The following BICRA variants were observed in gnomAD, a reference collection of about 807,000 sequenced individuals.
BICRA encodes BRD4 interacting chromatin remodeling complex associated protein, also known as BRD4-interacting chromatin-remodeling complex-associated protein.
A neutral mutation model predicts 96.9 loss-of-function variants in BICRA; 31 were observed. The ratio of observed to expected loss-of-function variants is 0.32; its 90% CI spans 0.24 to 0.43. The LOEUF is 0.43. Ranked by LOEUF, BICRA falls within the 20% of genes least tolerant of loss-of-function variation. The probability of loss-of-function intolerance (pLI) is 1.00; values close to 1 mark genes in which losing one functional copy is unlikely to be tolerated. For synonymous variants in BICRA, 1,350 were observed against 1,071.8 expected (o/e 1.26, Z -5.07); for missense variants, 2,283 against 2,190.3 (o/e 1.04, Z -0.84).
At chr19:47,656,462 T>C (rs1242525033) in intron 1 of BICRA, among the ~76,000 whole-genome samples, 1 of 152,200 alleles carries the variant, frequency 6.6e-6, no homozygotes, top group Non-Finnish European at 1.5e-5. Flanking sequence ...GGCCAGAGGC[T>C]TTCAGGAACC....
At chr19:47,634,058 C>T (rs1972262779) in intron 1 of BICRA, among the ~76,000 whole-genome samples, 1 of 152,210 alleles carries the variant, frequency 6.6e-6, no homozygotes, top group Non-Finnish European at 1.5e-5. Flanking sequence ...TTCATACATC[C>T]CAGGCTGCAT....
upstream of BICRA, among the ~76,000 whole-genome samples, chr19:47,608,674 C>T (rs1971845034): frequency 6.6e-6 from 1 of 151,504 alleles, no homozygotes; most frequent in African/African-American, 2.4e-5. Context: ...GGGACTGGGG[C>T]TGGGGGCGGG....
Position 47,698,862 on chromosome 19 carries a change from G to T in BICRA, c.3397+80G>T. ...GGCGGGGCGTCGCCAGTGTGGAGCC[G>T]CAGGTCCACGGTGCGCTATGCTGAC... On this transcript the variant is annotated intron_variant, in intron 12 of 14. Transcript: ENST00000594866. The surrounding 1 kb of genome is among the most constrained non-coding windows in gnomAD (Gnocchi z 4.8). 1 of 1,391,234 alleles carries T rather than the reference G, an allele frequency of 7.2e-7. No homozygotes were observed. The highest frequency in any genetic ancestry group is 1.0e-6 in the Non-Finnish European group (1 of 1,002,148). 86.2% of individuals were successfully genotyped at this position (1,391,234 alleles called of 1,614,324 possible).
intron 1 of BICRA, among the ~76,000 whole-genome samples, chr19:47,619,127 C>T (rs970030383): frequency 1.3e-5 from 2 of 151,980 alleles, no homozygotes; most frequent in African/African-American, 4.8e-5. Context: ...CTCCCTAGAA[C>T]GTGCGCGGTG....
chr19:47,614,825 G>A (rs56688553), intron 1 of BICRA, among the ~76,000 whole-genome samples: 4 of 152,102 alleles, frequency 2.6e-5, no homozygotes, highest in African/African-American at 9.7e-5. Context: ...TGTTTCCAAA[G>A]GTTTCTGTGT....
In BICRA at chr19:47,702,303, C is replaced by T. The variant is rs748024494; in HGVS notation, c.4571C>T (p.Pro1524Leu). 1 of 1,583,086 alleles carries T rather than the reference C, an allele frequency of 6.3e-7. No individual in the cohort carries two copies. Among genetic ancestry groups the T allele is most frequent in the Non-Finnish European group, 8.5e-7 (1 of 1,171,774 alleles). The change falls in exon 15 of 15, where the codon CCC becomes CTC. Residue 1524 changes from proline (P) to leucine (L), a missense_variant. By Grantham distance (98) the Pro-to-Leu change is moderately conservative (BLOSUM62 -3). Transcript: ENST00000594866. The part of the protein sequence containing the change: ...APGRTPAPSY[P>L]HAASAGTPAS... ...GGCCGGACGCCCGCGCCCTCGTACC[C>T]CCACGCTGCCTCGGCCGGCACCCCC...
Position 47,675,993 on chromosome 19 carries a change from G to T in BICRA, c.150+77G>T. 1.0e-6 allele frequency: 1 copy of T among 1,004,570 alleles called. No individual in the cohort carries two copies. Among genetic ancestry groups the T allele is most frequent in the Non-Finnish European group, 1.5e-6 (1 of 660,236 alleles). The allele number at this position is 1,004,570 out of a possible 1,614,324, so 62.2% of individuals were successfully genotyped here. A position where few individuals can be genotyped will look rare whatever the true frequency, so the allele number is the denominator to read the frequency against. On this transcript the variant is annotated intron_variant, in intron 5 of 14. Transcript: ENST00000594866. The surrounding 1 kb of genome is among the most constrained non-coding windows in gnomAD (Gnocchi z 4.7). ...GAGGAGGGCCCTGAAGCCAAGAGGG[G>T]AGGCTTGGGCTCATCTCGTGAGGGC...
chr19:47,685,770 T>TGCGC, intron 7 of BICRA, among the ~76,000 whole-genome samples: 1 of 132,950 alleles, frequency 7.5e-6, no homozygotes, highest in Non-Finnish European at 1.6e-5. Flanking sequence ...TGTGTGTGTG[T>TGCGC]GTGTGTGTGT....
chr19:47,618,490 G>C (rs1156535208), intron 1 of BICRA, among the ~76,000 whole-genome samples: 1 of 152,116 alleles, frequency 6.6e-6, no homozygotes, highest in East Asian at 1.9e-4. Context: ...TGTTGTTATT[G>C]CTTCTGTGTA....
rs752738231 is a variant in BICRA at position 47,680,401 on chromosome 19, C to T, written c.1231C>T (p.Leu411=). The change falls in exon 6 of 15, where the codon CTG becomes TTG. Residue 411 remains leucine, a synonymous_variant. Transcript: ENST00000594866. ...AAGKAGQNVV[L]SGFPAPALQA... Reference sequence around the variant, plus strand: ...GGGGAAGGCGGGCCAGAACGTGGTGCTGTCGGGCTTCCCCGCGCCTGCGCT... The same window carrying T: ...GGGGAAGGCGGGCCAGAACGTGGTGTTGTCGGGCTTCCCCGCGCCTGCGCT... 2.0e-6 allele frequency: 3 copies of T among 1,534,486 alleles called. No individual in the cohort carries two copies. Among genetic ancestry groups the T allele is most frequent in the South Asian group, 2.4e-5 (2 of 83,914 alleles).
At chr19:47,684,987 T>C (rs1973122573) in intron 7 of BICRA, among the ~76,000 whole-genome samples, 1 of 152,164 alleles carries the variant, frequency 6.6e-6, no homozygotes, top group Non-Finnish European at 1.5e-5. Context: ...CTTATTTTTT[T>C]GGAAACAGGG....
At chr19:47,637,103 GATTTT>G (rs1175360934) in intron 1 of BICRA, among the ~76,000 whole-genome samples, 2 of 151,892 alleles carry the variant, frequency 1.3e-5, no homozygotes, top group Non-Finnish European at 2.9e-5. Flanking sequence ...ATTTTACATT[GATTTT>G]ATTTTATTTT....
intron 1 of BICRA, among the ~76,000 whole-genome samples, chr19:47,628,405 G>A (rs1447301143): frequency 6.6e-6 from 1 of 152,182 alleles, no homozygotes; most frequent in Non-Finnish European, 1.5e-5. Flanking sequence ...TTTTCCAGGT[G>A]TTTCTGAGTT....
At chr19:47,647,891 G>A (rs1012815241) in intron 1 of BICRA, among the ~76,000 whole-genome samples, 3 of 151,278 alleles carry the variant, frequency 2.0e-5, no homozygotes, top group Admixed American at 1.3e-4. Flanking sequence ...ACCGTAGTTC[G>A]CGGGGGGAGT....
chr19:47,625,870 C>T lies in BICRA; in HGVS notation c.-108+16702C>T, dbSNP rs143761782. 3.5e-3 allele frequency among the ~76,000 whole-genome samples: 538 copies of T among 151,828 alleles called. 2 individuals are homozygous for T. The highest frequency in any genetic ancestry group is 0.014 in the Middle Eastern group (4 of 294). On this transcript the variant is annotated intron_variant, in intron 1 of 14. Coordinates refer to ENST00000594866, the MANE Select transcript of BICRA (RefSeq NM_001394372.1). ...TGGGGCTGTGTGGGGGCCGGGGGCACGGGGAGCTGGTAGTTAGGGAGAGCT... is the reference window on the plus strand; with the variant it reads ...TGGGGCTGTGTGGGGGCCGGGGGCATGGGGAGCTGGTAGTTAGGGAGAGCT...
intron 1 of BICRA, among the ~76,000 whole-genome samples, chr19:47,647,081 G>T (rs1213177324): frequency 6.6e-6 from 1 of 152,164 alleles, no homozygotes; most frequent in South Asian, 2.1e-4. Flanking sequence ...CTTTCACTCA[G>T]CGTGATGTTG....
chr19:47,664,961 G>T (rs1161249116), intron 1 of BICRA, among the ~76,000 whole-genome samples: 1 of 152,182 alleles, frequency 6.6e-6, no homozygotes, highest in East Asian at 1.9e-4. Context: ...GCCACACCAG[G>T]GCTTGTCTCC....
intron 7 of BICRA, among the ~76,000 whole-genome samples, chr19:47,685,772 T>C (rs1290479584): frequency 1.2e-4 from 16 of 133,648 alleles, no homozygotes; most frequent in Non-Finnish European, 1.9e-4. Context: ...TGTGTGTGTG[T>C]GTGTGTGTGT....
intron 7 of BICRA, among the ~76,000 whole-genome samples, chr19:47,688,632 T>TA (rs1973194118): frequency 1.3e-5 from 2 of 151,204 alleles, no homozygotes; most frequent in South Asian, 4.2e-4. Context: ...CTACTAAAAA[T>TA]ACAAAAATTA....
Sources: allele counts gnomAD v4.1 joint callset (sites outside exome capture counted in the v4.1 genomes callset), GRCh38; gene constraint gnomAD v4.1.1; non-coding constraint Gnocchi (gnomAD v3.1); transcripts MANE v1.5; gene names NCBI Gene and HGNC (gene_info 2026-07-23, HGNC 2026-07-21).